Variants in RAB11FIP3 observed in about 807,000 individuals in gnomAD.
The protein encoded by RAB11FIP3 is rab11 family-interacting protein 3.
RAB11FIP3 carries 17 observed loss-of-function variants against 77.8 expected under a neutral mutation model. That is an observed-to-expected ratio of 0.22 (90% confidence interval 0.15 to 0.33). The LOEUF is 0.33. Ranked by LOEUF, RAB11FIP3 falls within the 10% of genes least tolerant of loss-of-function variation. The pLI, the probability that RAB11FIP3 is intolerant of heterozygous loss-of-function variation, is 1.00. For missense variants in RAB11FIP3, 1,005 were observed against 1,011.2 expected (o/e 0.99, Z 0.08); for synonymous variants, 437 against 448.2 (o/e 0.98, Z 0.31).
rs2030511213 is a variant in RAB11FIP3, at chr16:492,425, C to CCCGGGAGACCCGAGGCCGCCCAGAGCCCT, written c.1265+3427_1265+3428insGGGAGACCCGAGGCCGCCCAGAGCCCTCC. ...GAGACCCGAGGCCGCCCAGGGCCCTCCCCGGGAGACCCGAGGCCGCCCAGG... is the reference window on the plus strand; with the variant it reads ...GAGACCCGAGGCCGCCCAGGGCCCTCCCGGGAGACCCGAGGCCGCCCAGAGCCCTCCCGGGAGACCCGAGGCCGCCCAGG... On this transcript the variant is annotated intron_variant, in intron 5 of 13. Coordinates refer to ENST00000262305, the MANE Select transcript of RAB11FIP3 (RefSeq NM_014700.4). Among the ~76,000 whole-genome samples, 135 of 43,150 alleles carry CCCGGGAGACCCGAGGCCGCCCAGAGCCCT rather than the reference C, an allele frequency of 3.1e-3. 3 individuals are homozygous for CCCGGGAGACCCGAGGCCGCCCAGAGCCCT. The highest frequency in any genetic ancestry group is 3.8e-3 in the Admixed American group (18 of 4,686). The allele number at this position is 43,150 out of a possible 152,430, so 28.3% of individuals were successfully genotyped here.
intron 1 of RAB11FIP3, among the ~76,000 whole-genome samples, chr16:445,709 A>G (rs1321930221): frequency 1.3e-5 from 2 of 151,826 alleles, no homozygotes; most frequent in African/African-American, 4.8e-5. Context: ...GTTCTGCCAG[A>G]AAATCTGGGA....
chr16:453,242 A>AT (rs1567365028), intron 1 of RAB11FIP3: 1 of 139,346 alleles, frequency 7.2e-6, no homozygotes, highest in Non-Finnish European at 1.6e-5. Context: ...GCCTGGCTAA[A>AT]TTTTTGTATT....
chr16:457,572 TC>T (rs930291990), intron 1 of RAB11FIP3, among the ~76,000 whole-genome samples: 73 of 151,942 alleles, frequency 4.8e-4, no homozygotes, highest in African/African-American at 1.7e-3. Context: ...ATTAGAACTA[TC>T]CCCAAATCAT....
Position 520,795 on chromosome 16 carries a change from G to T in RAB11FIP3, c.2227G>T (p.Val743Leu), listed in dbSNP as rs750514291. ...RLQDYIDRII[V>L]AIMETNPSIL... ...GCAGGACTACATCGACAGGATCATC[G>T]TGGCCATCATGGAGACCAACCCGTC... Residue 743 changes from valine to leucine, a missense_variant, in exon 14 of 14, where the codon GTG (valine) becomes TTG (leucine). Around this residue, in one of 4 missense-constraint regions of RAB11FIP3, gnomAD observed 90 missense variants for 129.7 expected, o/e 0.69. Coordinates refer to ENST00000262305, the MANE Select transcript of RAB11FIP3 (RefSeq NM_014700.4). 8.1e-6 allele frequency: 13 copies of T among 1,613,802 alleles called. No individual in the cohort carries two copies. In the East Asian group the frequency reaches 2.9e-4, roughly 36 times the overall value.
chr16:462,589 TCAGCACGATCCCTTCCC>T (rs771833297), intron 2 of RAB11FIP3, among the ~76,000 whole-genome samples: 36 of 104,872 alleles, frequency 3.4e-4, no homozygotes, highest in Non-Finnish European at 5.6e-4. Context: ...GCTTCTTTCC[TCAGCACGATCCCTTCCC>T]CAGCACGATC....
Position 521,256 on chromosome 16 carries a change from C to T in RAB11FIP3, c.*417C>T, listed in dbSNP as rs1477855153. 4.9e-5 allele frequency: 10 copies of T among 204,168 alleles called. No homozygotes were observed. Among genetic ancestry groups the T allele is most frequent in the Admixed American group, 1.0e-4 (2 of 19,096 alleles). 12.6% of individuals were successfully genotyped at this position (204,168 alleles called of 1,614,324 possible). ...CTCCTTGTGGTGGTCCCTCTTCCCA[C>T]GTGCAGCCCTGTTGGGAAGAAAGGA... On this transcript the variant is annotated 3_prime_UTR_variant, in exon 14 of 14. Transcript: ENST00000262305.
At chr16:428,643 G>A (rs2054989731) in intron 1 of RAB11FIP3, among the ~76,000 whole-genome samples, 2 of 152,216 alleles carry the variant, frequency 1.3e-5, no homozygotes, top group Admixed American at 6.5e-5. Flanking sequence ...GCTCTCCCAA[G>A]GTCTCACAGG....
intron 1 of RAB11FIP3, among the ~76,000 whole-genome samples, chr16:431,866 C>T (rs565670949): frequency 8.6e-5 from 13 of 151,910 alleles, no homozygotes; most frequent in African/African-American, 2.2e-4. Flanking sequence ...ATGCCATTCT[C>T]CTGCCTCAGC....
chr16:471,369 G>C lies in RAB11FIP3; in HGVS notation c.883G>C (p.Asp295His). ...EEPLACPDEF[D>H]DFVTYEANEV... Reference sequence around the variant, plus strand: ...GCCCCTGGCCTGCCCGGACGAGTTCGATGACTTCGTCACCTATGAGGCAAG... The same window carrying C: ...GCCCCTGGCCTGCCCGGACGAGTTCCATGACTTCGTCACCTATGAGGCAAG... Residue 295 changes from aspartate to histidine, a missense_variant, in exon 3 of 14, where the codon GAT (aspartate) becomes CAT (histidine). Transcript: ENST00000262305. The surrounding 1 kb of genome is among the most constrained non-coding windows in gnomAD (Gnocchi z 4.4). The C allele has an allele frequency of 6.2e-7, 1 of 1,612,812 alleles. No individual in the cohort carries two copies. Among genetic ancestry groups the C allele is most frequent in the Non-Finnish European group, 8.5e-7 (1 of 1,179,122 alleles).
chr16:443,596 C>T (rs1007136270), intron 1 of RAB11FIP3, among the ~76,000 whole-genome samples: 17 of 152,264 alleles, frequency 1.1e-4, no homozygotes, highest in East Asian at 9.7e-4. Context: ...GAGGGAGTCT[C>T]GCTCTGTCGC....
At chr16:477,509 C>A (rs2055941460) in intron 3 of RAB11FIP3, 1 of 451,080 alleles carries the variant, frequency 2.2e-6, no homozygotes, top group Non-Finnish European at 2.9e-6. Context: ...ACAGGCCCAG[C>A]CTCTGACAGA....
intron 1 of RAB11FIP3, among the ~76,000 whole-genome samples, chr16:447,997 A>G (rs1382260487): frequency 6.6e-6 from 1 of 152,156 alleles, no homozygotes; most frequent in African/African-American, 2.4e-5. Context: ...AAAAAGAAAA[A>G]AAACTGTAAA....
At position 521,446 on chromosome 16, in the gene RAB11FIP3, C is replaced by A. The variant is rs1425913926; in HGVS notation, c.*607C>A. 1 of 156,436 alleles carries A rather than the reference C, an allele frequency of 6.4e-6. No individual in the cohort carries two copies. The highest frequency in any genetic ancestry group is 2.4e-5 in the African/African-American group (1 of 41,496). 9.7% of individuals were successfully genotyped at this position (156,436 alleles called of 1,614,324 possible). On this transcript the variant is annotated 3_prime_UTR_variant, in exon 14 of 14. Transcript: ENST00000262305. The stretch of plus-strand genomic sequence containing the variant: ...CGGGTGGGCAAGGCTGGTGCGTTCC[C>A]CAGCTCTCCCTACGCTGCTCGGGCC...
chr16:476,110 C>T (rs1049906309), intron 3 of RAB11FIP3, among the ~76,000 whole-genome samples: 2 of 152,228 alleles, frequency 1.3e-5, no homozygotes, highest in African/African-American at 4.8e-5. Context: ...CCCACCTTGG[C>T]CTCCCAAAGT....
At chr16:436,271 C>A (rs374332923) in intron 1 of RAB11FIP3, among the ~76,000 whole-genome samples, 2 of 152,078 alleles carry the variant, frequency 1.3e-5, no homozygotes, top group South Asian at 2.1e-4. Context: ...ATCGCGCCAC[C>A]GCACTCCAGC....
rs146917587 is a variant in RAB11FIP3 at position 489,995 on chromosome 16, C to T, written c.1265+995C>T. On this transcript the variant is annotated intron_variant, in intron 5 of 13. Coordinates refer to ENST00000262305, the MANE Select transcript of RAB11FIP3 (RefSeq NM_014700.4). Reference sequence around the variant, plus strand: ...TCTTAGGCACTTTCCTCTCCCAGCGCGTGGTGGTGTCAAGACAAGGGCCAG... The same window carrying T: ...TCTTAGGCACTTTCCTCTCCCAGCGTGTGGTGGTGTCAAGACAAGGGCCAG... Among the ~76,000 whole-genome samples the T allele has an allele frequency of 1.2e-3, 184 of 152,312 alleles. 1 individual carries two copies. Among genetic ancestry groups the T allele is most frequent in the African/African-American group, 4.2e-3 (175 of 41,574 alleles).
intron 11 of RAB11FIP3, 91 bp downstream of exon 11, chr16:519,982 C>A: frequency 6.6e-7 from 1 of 1,519,260 alleles, no homozygotes; most frequent in Non-Finnish European, 8.9e-7. Context: ...CTTGGCTGTG[C>A]TGCTTTGGGC....
chr16:496,422 A>G (rs2031132988), intron 5 of RAB11FIP3, among the ~76,000 whole-genome samples: 1 of 152,240 alleles, frequency 6.6e-6, no homozygotes, highest in South Asian at 2.1e-4. Flanking sequence ...GCCAGCGGCA[A>G]ACTCTCCTGT....
chr16:482,739 C>G lies in RAB11FIP3; in HGVS notation c.1115+3C>G, dbSNP rs776813130. The G allele has an allele frequency of 1.9e-6, 3 of 1,592,440 alleles. No individual in the cohort carries two copies. The highest frequency in any genetic ancestry group is 3.5e-5 in the Admixed American group (2 of 57,310). On this transcript the variant is annotated splice_donor_region_variant and intron_variant, in intron 4 of 13. Transcript: ENST00000262305. Reference sequence around the variant, plus strand: ...GCCCTGCTGCTGCTCCCAGGCAGGTCTGTACCCCGCCACGGGCCTCCTGGA... The same window carrying G: ...GCCCTGCTGCTGCTCCCAGGCAGGTGTGTACCCCGCCACGGGCCTCCTGGA...
Sources: gnomAD v4.1 joint callset for allele counts (sites outside exome capture counted in the v4.1 genomes callset) on GRCh38, gnomAD v4.1.1 for gene constraint, gnomAD v4.1.1 regional missense constraint, Gnocchi (gnomAD v3.1) non-coding constraint, MANE v1.5 for transcripts, NCBI Gene and HGNC (gene_info 2026-07-23, HGNC 2026-07-21) for gene names.